ZNF236: variants seen among roughly 807,000 people sequenced by gnomAD.
The protein encoded by ZNF236 is zinc finger protein 236.
In ZNF236, 50 loss-of-function variants were observed where a neutral mutation model predicts 191.2. That is an observed-to-expected ratio of 0.26 (90% CI 0.21 to 0.33). The LOEUF (loss-of-function observed/expected upper bound fraction) is 0.33. Ranked by LOEUF, ZNF236 falls within the 10% of genes least tolerant of loss-of-function variation. The pLI is 1.00. For missense variants in ZNF236, 1,754 were observed against 2,374.5 expected (o/e 0.74, Z 5.43); for synonymous variants, 907 against 928.8 (o/e 0.98, Z 0.43).
chr18:76,860,655 C>G (rs1976191053), intron 3 of ZNF236, among the ~76,000 whole-genome samples: 4 of 152,172 alleles, frequency 2.6e-5, no homozygotes, highest in Admixed American at 1.3e-4. Flanking sequence ...GCAGCCTACT[C>G]TCATCCAAAC....
At position 76,969,003 on chromosome 18, in the gene ZNF236, C is replaced by T; in HGVS notation, c.*664C>T. ...AACATGGGGACTCGAGTAAACCTGA[C>T]CCACCAATAAGGATTCAGCTGTCCA... On this transcript the variant is annotated 3_prime_UTR_variant, in exon 31 of 31. Transcript: ENST00000320610. 3.0e-6 allele frequency: 3 copies of T among 985,230 alleles called. No individual in the cohort carries two copies. Among genetic ancestry groups the T allele is most frequent in the Non-Finnish European group, 3.6e-6 (3 of 829,382 alleles). 61.0% of individuals were successfully genotyped at this position (985,230 alleles called of 1,614,324 possible).
intron 20 of ZNF236, among the ~76,000 whole-genome samples, chr18:76,920,596 A>G (rs911445187): frequency 9.9e-5 from 15 of 151,570 alleles, no homozygotes; most frequent in Admixed American, 5.3e-4. Context: ...GCTTATGCTT[A>G]TTTCTGTATG....
chr18:76,858,624 G>A (rs148510059), intron 3 of ZNF236, among the ~76,000 whole-genome samples: 3 of 152,204 alleles, frequency 2.0e-5, no homozygotes, highest in Non-Finnish European at 4.4e-5. Flanking sequence ...GTGGAAGAGG[G>A]CTCAGGTGGA....
intron 1 of ZNF236, among the ~76,000 whole-genome samples, chr18:76,828,267 A>T (rs558495901): frequency 5.9e-5 from 9 of 151,912 alleles, no homozygotes; most frequent in African/African-American, 2.2e-4. Context: ...CCCAGGTTCA[A>T]GTGATTCTCC....
At chr18:76,967,636 T>G (rs1968814152) in intron 30 of ZNF236, among the ~76,000 whole-genome samples, 1 of 51,480 alleles carries the variant, frequency 1.9e-5, no homozygotes, top group Non-Finnish European at 4.3e-5. Flanking sequence ...GATTTGTTGT[T>G]GGAGGTGGTG....
In ZNF236 at chr18:76,875,729, A is replaced by AAT; in HGVS notation, c.840+66_840+67insTA. On this transcript the variant is annotated intron_variant, in intron 6 of 30. Transcript: ENST00000320610. The surrounding 1 kb of genome is among the most constrained non-coding windows in gnomAD (Gnocchi z 4.3). ...GACAGTAGGTATCTTTTGGGTTAAT[A>AAT]AACGGACCTGAGAAATTCTTTTCCA... The AAT allele has an allele frequency of 7.6e-7, 1 of 1,317,542 alleles. No individual in the cohort carries two copies. Among genetic ancestry groups the AAT allele is most frequent in the Non-Finnish European group, 9.8e-7 (1 of 1,018,302 alleles). 81.6% of individuals were successfully genotyped at this position (1,317,542 alleles called of 1,614,324 possible).
chr18:76,851,967 T>G lies in ZNF236; in HGVS notation c.363+28T>G, dbSNP rs188775274. ...AATCATCATCATTTTGCATATACTT[T>G]GTTAACTGATTGTTAAAATACATCT... On this transcript the variant is annotated intron_variant, in intron 3 of 30. Transcript: ENST00000320610. 2.5e-6 allele frequency: 4 copies of G among 1,573,440 alleles called. No homozygotes were observed. In the Admixed American group the frequency reaches 7.3e-5, roughly 29 times the overall value.
At chr18:76,907,516 A>T (rs893612442) in intron 13 of ZNF236, among the ~76,000 whole-genome samples, 4 of 152,040 alleles carry the variant, frequency 2.6e-5, no homozygotes, top group Non-Finnish European at 5.9e-5. Flanking sequence ...TGTAGTAGAG[A>T]TGGGGTTTCA....
At chr18:76,894,456 A>C (rs1977342238) in intron 9 of ZNF236, among the ~76,000 whole-genome samples, 1 of 152,144 alleles carries the variant, frequency 6.6e-6, no homozygotes, top group Non-Finnish European at 1.5e-5. Flanking sequence ...TTTTTTTTCT[A>C]TTAGAAATAG....
At position 76,960,594 on chromosome 18, in the gene ZNF236, T is replaced by C. The variant is rs764941124; in HGVS notation, c.5243-85T>C. On this transcript the variant is annotated intron_variant, in intron 29 of 30. Transcript: ENST00000320610. The surrounding 1 kb of genome is among the most constrained non-coding windows in gnomAD (Gnocchi z 4.4). Reference sequence around the variant, plus strand: ...CCTAAAAGAAAAGAGGAACATTCAGTCCCTCTTGTTCATACCTCAGGGTAG... The same window carrying C: ...CCTAAAAGAAAAGAGGAACATTCAGCCCCTCTTGTTCATACCTCAGGGTAG... 2.2e-4 allele frequency: 328 copies of C among 1,483,402 alleles called. No individual in the cohort carries two copies. The highest frequency in any genetic ancestry group is 2.9e-4 in the Non-Finnish European group (306 of 1,070,258). 91.9% of individuals were successfully genotyped at this position (1,483,402 alleles called of 1,614,324 possible).
chr18:76,934,947 T>A (rs1285838145), intron 25 of ZNF236, among the ~76,000 whole-genome samples: 1 of 152,270 alleles, frequency 6.6e-6, no homozygotes, highest in Non-Finnish European at 1.5e-5. Context: ...AGTTTATTAA[T>A]CTTTTTAACT....
At chr18:76,834,724 C>A in intron 1 of ZNF236, 1 of 443,326 alleles carries the variant, frequency 2.3e-6, no homozygotes, top group South Asian at 1.9e-5. Flanking sequence ...CTCATACAAC[C>A]TGAACATCAT....
intron 3 of ZNF236, 146 bp downstream of exon 3, chr18:76,852,085 C>A: frequency 1.3e-6 from 1 of 768,046 alleles, no homozygotes; most frequent in Non-Finnish European, 2.0e-6. Flanking sequence ...TTTGCCTTGA[C>A]ACCAGTTGAC....
chr18:76,968,101 A>G lies in ZNF236; in HGVS notation c.5420-114A>G, dbSNP rs920496070. ...TCTTTTTTCACTGGAATGAAAAGCAAATTACTTTAGAAATTCCTTGTCTCT... is the reference window on the plus strand; with the variant it reads ...TCTTTTTTCACTGGAATGAAAAGCAGATTACTTTAGAAATTCCTTGTCTCT... On this transcript the variant is annotated intron_variant, in intron 30 of 30. Coordinates refer to ENST00000320610, the MANE Select transcript of ZNF236 (RefSeq NM_001306089.2). 1.1e-5 allele frequency: 15 copies of G among 1,395,802 alleles called. No homozygotes were observed. The African/African-American group carries it at 1.4e-4, about 13-fold the overall frequency. 86.5% of individuals were successfully genotyped at this position (1,395,802 alleles called of 1,614,324 possible).
chr18:76,925,288 A>G lies in ZNF236; in HGVS notation c.3761A>G (p.Lys1254Arg). The change falls in exon 22 of 31, where the codon AAA (lysine) becomes AGA (arginine). Residue 1254 changes from lysine to arginine, a missense_variant. Physicochemically the swap from Lys to Arg is conservative, Grantham distance 26. Around this residue, in one of 5 missense-constraint regions of ZNF236, gnomAD observed 45 missense variants for 137.4 expected, o/e 0.33. Coordinates refer to ENST00000320610, the MANE Select transcript of ZNF236 (RefSeq NM_001306089.2). The surrounding 1 kb of genome is among the most constrained non-coding windows in gnomAD (Gnocchi z 5.7). The stretch of plus-strand genomic sequence containing the variant: ...CTGCACACGGGAGCCAAGCCCTTCA[A>G]ATGCCCGCATTGCGAGCTGCGTTTC... ...MRLHTGAKPF[K>R]CPHCELRFRT... 1 of 1,614,206 alleles carries G rather than the reference A, an allele frequency of 6.2e-7. No individual in the cohort carries two copies. Among genetic ancestry groups the G allele is most frequent in the Non-Finnish European group, 8.5e-7 (1 of 1,180,048 alleles).
chr18:76,905,269 T>C lies in ZNF236; in HGVS notation c.2151T>C (p.Cys717=). 3 of 1,614,184 alleles carry C rather than the reference T, an allele frequency of 1.9e-6. No individual in the cohort carries two copies. Among genetic ancestry groups the C allele is most frequent in the Non-Finnish European group, 2.5e-6 (3 of 1,180,034 alleles). ...RTHTGLKSFK[C]LICNGAFTTG... ...ACACAGGACTGAAATCTTTCAAGTG[T>C]CTGATATGTAATGGGGCTTTCACTA... The change falls in exon 13 of 31, where the codon TGT becomes TGC. Residue 717 remains cysteine, a synonymous_variant. Transcript: ENST00000320610.
chr18:76,939,315 A>G (rs927567887), intron 26 of ZNF236, among the ~76,000 whole-genome samples: 2 of 152,214 alleles, frequency 1.3e-5, no homozygotes, highest in Non-Finnish European at 2.9e-5. Context: ...CCTGGGCAAC[A>G]GAGTGAGAGT....
rs200883052 is a variant in ZNF236 at position 76,856,647 on chromosome 18, A to AT, written c.363+4717dup. Among the ~76,000 whole-genome samples the AT allele has an allele frequency of 8.8e-3, 1,335 of 151,576 alleles. 47 individuals are homozygous for AT. The highest frequency in any genetic ancestry group is 0.065 in the Admixed American group (981 of 15,198). On this transcript the variant is annotated intron_variant, in intron 3 of 30. Transcript: ENST00000320610. The stretch of plus-strand genomic sequence containing the variant: ...ATAATATTTTTATTTTAATTAAGTA[A>AT]TTTTTTTTTGCAAGGTGGATGTGTG...
chr18:76,934,813 G>A (rs746952469), intron 25 of ZNF236, among the ~76,000 whole-genome samples: 2 of 152,110 alleles, frequency 1.3e-5, no homozygotes, highest in Non-Finnish European at 2.9e-5. Flanking sequence ...TCAGTTAATC[G>A]CAAGAAAAAA....
Sources: allele counts gnomAD v4.1 joint callset (sites outside exome capture counted in the v4.1 genomes callset), GRCh38; gene constraint gnomAD v4.1.1; regional missense constraint gnomAD v4.1.1; non-coding constraint Gnocchi (gnomAD v3.1); transcripts MANE v1.5; gene names NCBI Gene and HGNC (gene_info 2026-07-23, HGNC 2026-07-21).